The following FPR1 variants were observed in gnomAD, a reference collection of about 807,000 sequenced individuals.
The protein encoded by FPR1 is formyl peptide receptor 1.
For missense variants in FPR1, 407 were observed against 453.0 expected (o/e 0.90, Z 0.92); for synonymous variants, 193 against 176.7 (o/e 1.09, Z -0.73).
rs1299705377 is a variant in FPR1, at chr19:51,746,950, T to C, written c.45A>G (p.Thr15=). 6.2e-7 allele frequency: 1 copy of C among 1,613,938 alleles called. No individual in the cohort carries two copies. The highest frequency in any genetic ancestry group is 8.5e-7 in the Non-Finnish European group (1 of 1,180,002). ...AGAGATAGCCAGCAGATACAGCAGG[T>C]GTCCCTCCAGAGATGTTCGTGGGGA... is the stretch of plus-strand genomic sequence containing the variant. The part of the protein sequence containing the change: ...SSLPTNISGG[T]PAVSAGYLFL... Residue 15 remains threonine, a synonymous_variant, in exon 2 of 2, where the codon ACA becomes ACG. Transcript: ENST00000304748. This position sits in a 1 kb window ranked among gnomAD's most constrained non-coding sequence, Gnocchi z 4.3.
At chr19:51,747,077 C>A (rs968388944) in intron 1 of FPR1, 72 bp from the exon 2 acceptor site, 38 of 1,170,562 alleles carry the variant, frequency 3.2e-5, no homozygotes, top group Non-Finnish European at 4.2e-5. Context: ...CTCATTTCTG[C>A]CCCTGCCAGT....
Position 51,746,168 on chromosome 19 carries a change from TAC to T in FPR1, c.825_826del (p.Met275IlefsTer58). 1 of 1,614,180 alleles carries T rather than the reference TAC, an allele frequency of 6.2e-7. No individual in the cohort carries two copies. The highest frequency in any genetic ancestry group is 8.5e-7 in the Non-Finnish European group (1 of 1,180,026). On this transcript the variant is annotated frameshift_variant, in exon 2 of 2. Transcript: ENST00000304748. LOFTEE classifies it low-confidence loss of function (END_TRUNC). The surrounding 1 kb of genome is among the most constrained non-coding windows in gnomAD (Gnocchi z 4.3). Reference sequence around the variant, plus strand: ...ATCCACTGCAATACCAATTTCTTTGTACATGCCTTGCAATAACTCACGGATTC... The same window carrying T: ...ATCCACTGCAATACCAATTTCTTTGTATGCCTTGCAATAACTCACGGATTC...
intron 1 of FPR1, among the ~76,000 whole-genome samples, chr19:51,749,955 G>A (rs2083770728): frequency 6.6e-6 from 1 of 152,184 alleles, no homozygotes; most frequent in South Asian, 2.1e-4. Context: ...ACAGGTGTGA[G>A]CCACTGCGCC....
chr19:51,745,989 T>C lies in FPR1; in HGVS notation c.1006A>G (p.Thr336Ala). The change falls in exon 2 of 2, where the codon ACC (threonine) becomes GCC (alanine). Residue 336 changes from threonine to alanine, a missense_variant. Thr to Ala is a moderately conservative substitution (Grantham distance 58). Coordinates refer to ENST00000304748, the MANE Select transcript of FPR1 (RefSeq NM_002029.4). Reference sequence around the variant, plus strand: ...TCTGCAGAAGGTAAAGTAGAATTGGTAGCTGTGTCACTGGTTTGGGTTGAG... The same window carrying C: ...TCTGCAGAAGGTAAAGTAGAATTGGCAGCTGTGTCACTGGTTTGGGTTGAG... ...EDSTQTSDTA[T>A]NSTLPSAEVE... The C allele has an allele frequency of 6.2e-7, 1 of 1,614,062 alleles. No homozygotes were observed. The highest frequency in any genetic ancestry group is 8.5e-7 in the Non-Finnish European group (1 of 1,179,956).
Position 51,745,987 on chromosome 19 carries a change from G to T in FPR1, c.1008C>A (p.Thr336=), listed in dbSNP as rs775026535. The T allele has an allele frequency of 4.1e-5, 66 of 1,613,864 alleles. No individual in the cohort carries two copies. Among genetic ancestry groups the T allele is most frequent in the Non-Finnish European group, 4.6e-5 (54 of 1,179,904 alleles). The stretch of plus-strand genomic sequence containing the variant: ...CCTCTGCAGAAGGTAAAGTAGAATT[G>T]GTAGCTGTGTCACTGGTTTGGGTTG... The part of the protein sequence containing the change: ...EDSTQTSDTA[T]NSTLPSAEVE... The change falls in exon 2 of 2, where the codon ACC becomes ACA. Residue 336 remains threonine, a synonymous_variant. Coordinates refer to ENST00000304748, the MANE Select transcript of FPR1 (RefSeq NM_002029.4).
At chr19:51,749,968 G>A (rs937658660) in intron 1 of FPR1, among the ~76,000 whole-genome samples, 1 of 152,172 alleles carries the variant, frequency 6.6e-6, no homozygotes, top group Non-Finnish European at 1.5e-5. Context: ...ACTGCGCCCG[G>A]CCTGGTCTTC....
Position 51,746,141 on chromosome 19 carries a change from A to G in FPR1, c.854T>C (p.Val285Ala), listed in dbSNP as rs1444021071. 1.2e-6 allele frequency: 2 copies of G among 1,614,240 alleles called. No homozygotes were observed. The highest frequency in any genetic ancestry group is 1.1e-5 in the South Asian group (1 of 91,084). The change falls in exon 2 of 2, where the codon GTG (valine) becomes GCG (alanine). Residue 285 changes from valine (V) to alanine (A), a missense_variant. Transcript: ENST00000304748. This position sits in a 1 kb window ranked among gnomAD's most constrained non-coding sequence, Gnocchi z 4.3. ...GTTGAAGAAGGCCAGGGCACTTGTCACATCCACTGCAATACCAATTTCTTT... is the reference window on the plus strand; with the variant it reads ...GTTGAAGAAGGCCAGGGCACTTGTCGCATCCACTGCAATACCAATTTCTTT... Reference protein sequence around the residue: ...MYKEIGIAVDVTSALAFFNSC... With the variant: ...MYKEIGIAVDATSALAFFNSC...
chr19:51,749,172 G>A (rs557301937), intron 1 of FPR1, among the ~76,000 whole-genome samples: 9 of 151,164 alleles, frequency 6.0e-5, no homozygotes, highest in South Asian at 2.1e-4. Context: ...CAGAGACTGC[G>A]CCATTGCACT....
In FPR1 at chr19:51,746,479, C is replaced by T. The variant is rs150860114; in HGVS notation, c.516G>A (p.Gly172=). 1 of 1,614,128 alleles carries T rather than the reference C, an allele frequency of 6.2e-7. No homozygotes were observed. The highest frequency in any genetic ancestry group is 8.5e-7 in the Non-Finnish European group (1 of 1,180,006). The change falls in exon 2 of 2, where the codon GGG becomes GGA. Residue 172 remains glycine, a synonymous_variant. Coordinates refer to ENST00000304748, the MANE Select transcript of FPR1 (RefSeq NM_002029.4). The surrounding 1 kb of genome is among the most constrained non-coding windows in gnomAD (Gnocchi z 4.3). The part of the protein sequence containing the change: ...IRVTTVPGKT[G]TVACTFNFSP... ...AAAAGTTAAAAGTGCAGGCTACTGTCCCCGTTTTACCAGGTACTGTAGTCA... is the reference window on the plus strand; with the variant it reads ...AAAAGTTAAAAGTGCAGGCTACTGTTCCCGTTTTACCAGGTACTGTAGTCA...
chr19:51,750,831 TA>T (rs2083776055), intron 1 of FPR1: 1 of 152,186 alleles, frequency 6.6e-6, no homozygotes, highest in East Asian at 1.9e-4. Flanking sequence ...GCATTGATTA[TA>T]CATCATCATC....
Position 51,746,567 on chromosome 19 carries a change from T to C in FPR1, c.428A>G (p.Lys143Arg), listed in dbSNP as rs1599806876. The part of the protein sequence containing the change: ...TQNHRTVSLA[K>R]KVIIGPWVMA... ...CACCCAGGGCCCAATGATCACCTTC[T>C]TGGCCAGGCTCACGGTGCGGTGGTT... Residue 143 changes from lysine to arginine, a missense_variant, in exon 2 of 2, where the codon AAG becomes AGG. Coordinates refer to ENST00000304748, the MANE Select transcript of FPR1 (RefSeq NM_002029.4). The surrounding 1 kb of genome is among the most constrained non-coding windows in gnomAD (Gnocchi z 4.3). The C allele has an allele frequency of 6.2e-7, 1 of 1,614,206 alleles. No homozygotes were observed. The highest frequency in any genetic ancestry group is 8.5e-7 in the Non-Finnish European group (1 of 1,180,030).
chr19:51,751,540 G>A (rs575647263), intron 1 of FPR1, among the ~76,000 whole-genome samples: 72 of 152,032 alleles, frequency 4.7e-4, no homozygotes, highest in South Asian at 2.1e-3. Flanking sequence ...CCACCACCAC[G>A]CCTGGCTAAT....
chr19:51,750,905 C>T (rs1473172255), intron 1 of FPR1: 2 of 152,248 alleles, frequency 1.3e-5, no homozygotes, highest in African/African-American at 4.8e-5. Flanking sequence ...TCTGCAGATT[C>T]ATGAGAGGGC....
chr19:51,746,733 C>T lies in FPR1; in HGVS notation c.262G>A (p.Gly88Arg), dbSNP rs375049372. The T allele has an allele frequency of 3.1e-6, 5 of 1,614,038 alleles. No homozygotes were observed. Among genetic ancestry groups the T allele is most frequent in the Non-Finnish European group, 4.2e-6 (5 of 1,180,038 alleles). ...AACCAGCCGAAAGGCCAATGTCCTCCCATGGCCTTCCTGACCATGAAGAAT... is the reference window on the plus strand; with the variant it reads ...AACCAGCCGAAAGGCCAATGTCCTCTCATGGCCTTCCTGACCATGAAGAAT... ...LPFFMVRKAM[G>R]GHWPFGWFLC... Residue 88 changes from glycine (G) to arginine (R), a missense_variant, in exon 2 of 2, where the codon GGA becomes AGA. Physicochemically the swap from Gly to Arg is moderately radical, Grantham distance 125. Transcript: ENST00000304748. The surrounding 1 kb of genome is among the most constrained non-coding windows in gnomAD (Gnocchi z 4.3).
In FPR1 at chr19:51,745,908, G is replaced by A; in HGVS notation, c.*34C>T. On this transcript the variant is annotated 3_prime_UTR_variant, in exon 2 of 2. Coordinates refer to ENST00000304748, the MANE Select transcript of FPR1 (RefSeq NM_002029.4). ...TAACTCAAGGTGAGACGAAGCTGGA[G>A]CTGGGAGCTCGAAAGTGTCCCCCAG... 4 of 1,567,110 alleles carry A rather than the reference G, an allele frequency of 2.6e-6. No homozygotes were observed. The South Asian group carries it at 3.4e-5, about 13-fold the overall frequency.
chr19:51,746,551 C>A lies in FPR1; in HGVS notation c.444G>T (p.Gly148=), dbSNP rs1276303747. 8.1e-6 allele frequency: 13 copies of A among 1,614,042 alleles called. No homozygotes were observed. The highest frequency in any genetic ancestry group is 1.7e-5 in the Admixed American group (1 of 60,008). The stretch of plus-strand genomic sequence containing the variant: ...TGAGGAGCAGAGCCATCACCCAGGG[C>A]CCAATGATCACCTTCTTGGCCAGGC... ...TVSLAKKVII[G]PWVMALLLTL... is the part of the protein sequence containing the mutation. The change falls in exon 2 of 2, where the codon GGG becomes GGT. Residue 148 remains glycine, a synonymous_variant. Coordinates refer to ENST00000304748, the MANE Select transcript of FPR1 (RefSeq NM_002029.4). The surrounding 1 kb of genome is among the most constrained non-coding windows in gnomAD (Gnocchi z 4.3).
intron 1 of FPR1, among the ~76,000 whole-genome samples, chr19:51,748,879 TAA>T (rs2083763823): frequency 2.0e-5 from 3 of 152,176 alleles, no homozygotes; most frequent in Admixed American, 2.0e-4. Flanking sequence ...AAACGTGGAC[TAA>T]GACTTTCTCT....
At chr19:51,747,115 C>T (rs1342304168) in intron 1 of FPR1, 110 bp from the exon 2 acceptor site, 4 of 733,874 alleles carry the variant, frequency 5.5e-6, no homozygotes, top group Non-Finnish European at 9.1e-6. Flanking sequence ...TCTCACCTTC[C>T]CCTAGAGCTC....
intron 1 of FPR1, among the ~76,000 whole-genome samples, chr19:51,749,192 G>A (rs1324730332): frequency 2.0e-5 from 3 of 149,092 alleles, no homozygotes; most frequent in African/African-American, 4.9e-5. Flanking sequence ...TCCAGCCTGG[G>A]CGACAGAGCG....
Sources: gnomAD v4.1 joint callset for allele counts (sites outside exome capture counted in the v4.1 genomes callset) on GRCh38, gnomAD v4.1.1 for gene constraint, Gnocchi (gnomAD v3.1) non-coding constraint, MANE v1.5 for transcripts, NCBI Gene and HGNC (gene_info 2026-07-23, HGNC 2026-07-21) for gene names.